The following NAALADL2 variants were observed in gnomAD, a reference collection of about 807,000 sequenced individuals.
NAALADL2 encodes the protein N-acetylated alpha-linked acidic dipeptidase like 2, also known as inactive N-acetylated-alpha-linked acidic dipeptidase-like protein 2.
A neutral mutation model predicts 87.2 loss-of-function variants in NAALADL2; 76 were observed. The observed-to-expected ratio is 0.87, with a 90% CI of 0.72 to 1.05. The LOEUF is 1.05. Among genes scored for constraint, NAALADL2 ranks in the 50% least tolerant of loss-of-function variants. The pLI, the probability that NAALADL2 is intolerant of heterozygous loss-of-function variation, is 0.00. For missense variants in NAALADL2, 1,089 were observed against 945.8 expected, an observed-to-expected ratio of 1.15 and a Z score of -1.99; for synonymous variants, 354 against 331.0, an observed-to-expected ratio of 1.07 and a Z score of -0.75.
intron 2 of NAALADL2, among the ~76,000 whole-genome samples, chr3:175,143,250 A>G (rs1467359393): frequency 2.0e-5 from 3 of 151,976 alleles, no homozygotes; most frequent in African/African-American, 7.2e-5. Context: ...CGTTCGCAAT[A>G]TATTTCCCCA....
At chr3:174,862,064 C>A (rs575891321) in intron 1 of NAALADL2, among the ~76,000 whole-genome samples, 1 of 152,098 alleles carries the variant, frequency 6.6e-6, no homozygotes, top group African/African-American at 2.4e-5. Context: ...CATGAAGGTT[C>A]ATAATGTCCT....
At chr3:174,629,940 G>A (rs867806072) in intron 2 of NAALADL2, among the ~76,000 whole-genome samples, 6 of 152,268 alleles carry the variant, frequency 3.9e-5, no homozygotes, top group Middle Eastern at 3.4e-3. Flanking sequence ...TAGCTTATTA[G>A]CGTAATGTTG....
intron 3 of NAALADL2, among the ~76,000 whole-genome samples, chr3:174,817,308 A>G (rs774848605): frequency 7.9e-5 from 12 of 152,226 alleles, no homozygotes; most frequent in Admixed American, 2.0e-4. Flanking sequence ...GATTTTTATC[A>G]AAAGCTCTTT....
chr3:174,706,564 A>C (rs2108899389), intron 2 of NAALADL2, among the ~76,000 whole-genome samples: 1 of 152,258 alleles, frequency 6.6e-6, no homozygotes, highest in South Asian at 2.1e-4. Flanking sequence ...AGATTGCAAA[A>C]ATTTTCTCCT....
chr3:175,070,282 A>G (rs1241978251), intron 1 of NAALADL2, among the ~76,000 whole-genome samples: 2 of 151,746 alleles, frequency 1.3e-5, no homozygotes, highest in Non-Finnish European at 2.9e-5. Context: ...AAAAGTATAA[A>G]TTTTTATTTT....
intron 3 of NAALADL2, among the ~76,000 whole-genome samples, chr3:174,781,857 A>G (rs1009165315): frequency 6.6e-6 from 1 of 152,122 alleles, no homozygotes; most frequent in Non-Finnish European, 1.5e-5. Flanking sequence ...GCCAGGCTGT[A>G]GCAGACAGAG....
At chr3:174,473,792 T>G (rs936437029) in intron 1 of NAALADL2, among the ~76,000 whole-genome samples, 3 of 152,180 alleles carry the variant, frequency 2.0e-5, no homozygotes, top group African/African-American at 7.2e-5. Context: ...AATGTTTTCC[T>G]GATAAATTCG....
At chr3:174,851,483 G>A (rs534529886) in intron 3 of NAALADL2, among the ~76,000 whole-genome samples, 2 of 151,868 alleles carry the variant, frequency 1.3e-5, no homozygotes, top group South Asian at 2.1e-4. Context: ...ACTATACTAT[G>A]AGTAACTATA....
intron 1 of NAALADL2, among the ~76,000 whole-genome samples, chr3:174,980,050 C>G (rs1427001561): frequency 5.3e-5 from 8 of 152,150 alleles, no homozygotes; most frequent in Non-Finnish European, 1.0e-4. Context: ...CTTACCTGAG[C>G]CCACAGCCTA....
intron 1 of NAALADL2, among the ~76,000 whole-genome samples, chr3:174,925,204 G>A (rs1198542079): frequency 1.3e-5 from 2 of 152,102 alleles, no homozygotes; most frequent in Non-Finnish European, 2.9e-5. Context: ...ATGGTTTTAG[G>A]TCTAACATTT....
intron 2 of NAALADL2, among the ~76,000 whole-genome samples, chr3:175,147,515 A>G (rs1221603930): frequency 1.3e-5 from 2 of 152,038 alleles, no homozygotes; most frequent in Admixed American, 6.6e-5. Flanking sequence ...GGTTGATGAT[A>G]TGTTTTTGCT....
At chr3:175,596,778 A>G (rs1041578192) in intron 10 of NAALADL2, among the ~76,000 whole-genome samples, 1 of 151,986 alleles carries the variant, frequency 6.6e-6, no homozygotes, top group African/African-American at 2.4e-5. Context: ...ATAGCTGTCC[A>G]GAACCTAGCT....
At chr3:175,630,994 A>G in intron 11 of NAALADL2, among the ~76,000 whole-genome samples, 1 of 151,570 alleles carries the variant, frequency 6.6e-6, no homozygotes, top group East Asian at 1.9e-4. Flanking sequence ...AAAAGTTTGT[A>G]TTTGATATAG....
chr3:175,356,692 T>A (rs953508017), intron 5 of NAALADL2, among the ~76,000 whole-genome samples: 1 of 151,936 alleles, frequency 6.6e-6, no homozygotes, highest in Admixed American at 6.6e-5. Context: ...AGAGTTCTAA[T>A]TGATGTTATA....
chr3:175,524,006 A>T (rs147991864), intron 9 of NAALADL2, among the ~76,000 whole-genome samples: 3 of 152,300 alleles, frequency 2.0e-5, no homozygotes, highest in African/African-American at 7.2e-5. Context: ...TGCTAGCATG[A>T]TGCTGTCACC....
chr3:174,502,974 G>A (rs1368774512), intron 1 of NAALADL2, among the ~76,000 whole-genome samples: 1 of 151,640 alleles, frequency 6.6e-6, no homozygotes, highest in East Asian at 1.9e-4. Context: ...GTTGCAGTGA[G>A]CTGAGATCAC....
chr3:174,460,655 T>C (rs1195574184), intron 1 of NAALADL2, among the ~76,000 whole-genome samples: 1 of 151,994 alleles, frequency 6.6e-6, no homozygotes, highest in Non-Finnish European at 1.5e-5. Context: ...TTTCAACATA[T>C]AGAGAACAGC....
intron 2 of NAALADL2, among the ~76,000 whole-genome samples, chr3:175,222,482 AT>A (rs1462852602): frequency 1.3e-5 from 2 of 152,130 alleles, no homozygotes; most frequent in African/African-American, 2.4e-5. Flanking sequence ...CTACTCAGCT[AT>A]TTTTCAGACT....
chr3:175,267,353 C>T (rs1403443404), intron 4 of NAALADL2, among the ~76,000 whole-genome samples: 2 of 151,806 alleles, frequency 1.3e-5, no homozygotes. Context: ...AGGAACACAC[C>T]CTAATAAGGC....
Sources: gnomAD v4.1 joint callset for allele counts (sites outside exome capture counted in the v4.1 genomes callset) on GRCh38, gnomAD v4.1.1 for gene constraint, MANE v1.5 for transcripts, NCBI Gene and HGNC (gene_info 2026-07-23, HGNC 2026-07-21) for gene names.